The following MBNL2 variants were observed in gnomAD, a reference collection of about 807,000 sequenced individuals.
MBNL2 encodes muscleblind like splicing regulator 2, also known as muscleblind-like protein 2.
MBNL2 carries 17 observed loss-of-function variants against 41.9 expected under a neutral mutation model. That is an observed-to-expected ratio of 0.41 (90% CI 0.28 to 0.61). The LOEUF (loss-of-function observed/expected upper bound fraction) is 0.61. Among genes scored for constraint, MBNL2 ranks in the 20% least tolerant of loss-of-function variants. The probability of loss-of-function intolerance (pLI) is 0.35; values close to 1 mark genes in which losing one functional copy is unlikely to be tolerated. For synonymous variants in MBNL2, 195 were observed against 182.9 expected, an observed-to-expected ratio of 1.07 and a Z score of -0.53; for missense variants, 336 against 505.6, an observed-to-expected ratio of 0.66 and a Z score of 3.22.
chr13:97,213,698 G>A, the MBNL2 span, among the ~76,000 whole-genome samples: 6 of 152,124 alleles, frequency 3.9e-5, no homozygotes, highest in Non-Finnish European at 7.3e-5. Context: ...GGACCAACAT[G>A]TAGCAAGTCA....
At chr13:97,185,792 T>C in the MBNL2 span, among the ~76,000 whole-genome samples, 1 of 152,360 alleles carries the variant, frequency 6.6e-6, no homozygotes, top group Non-Finnish European at 1.5e-5. Context: ...CTTAAGCCAC[T>C]AGGCTTGTGT....
At chr13:97,326,547 A>G (rs925924828) in intron 2 of MBNL2, among the ~76,000 whole-genome samples, 13 of 152,244 alleles carry the variant, frequency 8.5e-5, no homozygotes, top group African/African-American at 1.2e-4. Context: ...TTAGAGGCTT[A>G]TGCATAATCT....
intron 2 of MBNL2, among the ~76,000 whole-genome samples, chr13:97,323,703 T>G (rs1433159460): frequency 6.6e-6 from 1 of 152,176 alleles, no homozygotes; most frequent in African/African-American, 2.4e-5. Context: ...TTATAAGGCT[T>G]CAGGAAGTAA....
chr13:97,351,500 T>TCA (rs1309226653), intron 5 of MBNL2, among the ~76,000 whole-genome samples: 3 of 152,202 alleles, frequency 2.0e-5, no homozygotes, highest in Admixed American at 6.5e-5. Context: ...TACGTTGACA[T>TCA]CTGTTGTTTA....
chr13:97,252,540 A>C (rs1164280445), intron 1 of MBNL2, among the ~76,000 whole-genome samples: 1 of 152,216 alleles, frequency 6.6e-6, no homozygotes. Context: ...ATATTATTTT[A>C]CATCTCTAAG....
intron 2 of MBNL2, among the ~76,000 whole-genome samples, chr13:97,314,208 C>T (rs968019005): frequency 9.2e-5 from 14 of 152,294 alleles, no homozygotes; most frequent in African/African-American, 3.4e-4. Flanking sequence ...ATGCTCCTGC[C>T]TCAGGACCAT....
chr13:97,212,380 G>A, the MBNL2 span, among the ~76,000 whole-genome samples: 1 of 152,028 alleles, frequency 6.6e-6, no homozygotes, highest in South Asian at 2.1e-4. Context: ...CACGGTAGAA[G>A]CCACAGCTAC....
At chr13:97,141,891 T>C in the MBNL2 span, among the ~76,000 whole-genome samples, 5 of 152,170 alleles carry the variant, frequency 3.3e-5, no homozygotes, top group Non-Finnish European at 7.3e-5. Context: ...CTGAGGAGCC[T>C]TGGAACATTC....
chr13:97,143,938 G>A, the MBNL2 span, among the ~76,000 whole-genome samples: 1 of 152,036 alleles, frequency 6.6e-6, no homozygotes, highest in East Asian at 1.9e-4. Context: ...CTGCCTCCTG[G>A]GTTCAAGTGA....
At chr13:97,356,969 C>A (rs911017288) in intron 6 of MBNL2, 120 bp downstream of exon 6, 2 of 478,026 alleles carry the variant, frequency 4.2e-6, no homozygotes, top group South Asian at 5.4e-5. Context: ...GGAAAAAATC[C>A]AATAAGGTGT....
chr13:97,284,545 C>T (rs2054055210), intron 2 of MBNL2, among the ~76,000 whole-genome samples: 1 of 152,156 alleles, frequency 6.6e-6, no homozygotes. Context: ...ATTACATCTG[C>T]AACTACCCTA....
intron 8 of MBNL2, among the ~76,000 whole-genome samples, chr13:97,376,392 C>T (rs769790462): frequency 9.2e-5 from 14 of 152,164 alleles, no homozygotes; most frequent in Non-Finnish European, 1.8e-4. Context: ...TTGATTTGTA[C>T]TATAAAGGAC....
intron 2 of MBNL2, among the ~76,000 whole-genome samples, chr13:97,287,721 C>CT (rs768809008): frequency 0.013 from 1,531 of 114,838 alleles, 59 homozygotes; most frequent in African/African-American, 0.053. Context: ...CTTTTCTTTT[C>CT]TTTTTTTTTT....
At chr13:97,319,734 A>G (rs1050729956) in intron 2 of MBNL2, among the ~76,000 whole-genome samples, 2 of 152,232 alleles carry the variant, frequency 1.3e-5, no homozygotes, top group African/African-American at 4.8e-5. Context: ...GAATACAAAA[A>G]TTATCCCAAC....
rs140790032 is a variant in MBNL2, at chr13:97,319,487, C to T, written c.175-14789C>T. Among the ~76,000 whole-genome samples, 915 of 152,304 alleles carry T rather than the reference C, an allele frequency of 6.0e-3. 8 individuals are homozygous for T. The highest frequency in any genetic ancestry group is 0.021 in the African/African-American group (855 of 41,570). On this transcript the variant is annotated intron_variant, in intron 2 of 8. Coordinates refer to ENST00000679496, the MANE Select transcript of MBNL2 (RefSeq NM_001382683.1). ...TAGAGCAGGCCTCTCCCCTGTCCTC[C>T]TCCCTACCACTGTCCCTCTGTATGT...
chr13:97,354,006 T>C (rs1265381052), intron 5 of MBNL2, among the ~76,000 whole-genome samples: 1 of 148,152 alleles, frequency 6.7e-6, no homozygotes, highest in African/African-American at 2.5e-5. Context: ...TTGGTTCGAT[T>C]ACCTTGATTT....
chr13:97,172,706 C>G, the MBNL2 span: 1 of 152,130 alleles, frequency 6.6e-6, no homozygotes, highest in Admixed American at 6.5e-5. Context: ...AATAAGAGGA[C>G]ACCTTTCACA....
intron 8 of MBNL2, among the ~76,000 whole-genome samples, chr13:97,375,430 G>A (rs540494794): frequency 8.7e-4 from 133 of 152,338 alleles, no homozygotes; most frequent in African/African-American, 3.1e-3. Flanking sequence ...CCTCATCCCT[G>A]AAGTGTCATA....
At chr13:97,217,032 AATATACACATAATATGTAATATATACAT>A (rs1342963479), upstream of MBNL2, among the ~76,000 whole-genome samples, 1 of 145,658 alleles carries the variant, frequency 6.9e-6, no homozygotes, top group Admixed American at 6.8e-5. Context: ...CATATAACAT[AATATACACATAATATGTAATATATACAT>A]ATATACACAT....
Sources: gnomAD v4.1 joint callset for allele counts (sites outside exome capture counted in the v4.1 genomes callset) on GRCh38, gnomAD v4.1.1 for gene constraint, MANE v1.5 for transcripts, NCBI Gene and HGNC (gene_info 2026-07-23, HGNC 2026-07-21) for gene names.